The following BGN variants were observed in gnomAD, a reference collection of about 807,000 sequenced individuals.
The protein encoded by BGN is biglycan.
BGN carries 6 observed loss-of-function variants against 20.0 expected under a neutral mutation model. That is an observed-to-expected ratio of 0.30 (90% CI 0.16 to 0.59). BGN has a LOEUF of 0.59. Among genes scored for constraint, BGN ranks in the 20% least tolerant of loss-of-function variants. The pLI is 0.88. For synonymous variants in BGN, 146 were observed against 134.6 expected, an observed-to-expected ratio of 1.08 and a Z score of -0.59; for missense variants, 292 against 312.1, an observed-to-expected ratio of 0.94 and a Z score of 0.49.
chrX:153,506,999 C>G (rs782602808), intron 6 of BGN, 48 bp from the exon 7 acceptor site: 10 of 1,209,606 alleles, frequency 8.3e-6, no homozygotes, highest in Non-Finnish European at 1.1e-5. Context: ...GCCCAGCCCC[C>G]CATCCTTACC....
In BGN at chrX:153,495,027, G is replaced by C. The variant is rs1000912767; in HGVS notation, c.-98G>C. 1 of 108,975 alleles carries C rather than the reference G, an allele frequency of 9.2e-6. No individual in the cohort carries two copies. The highest frequency in any genetic ancestry group is 1.9e-5 in the Non-Finnish European group (1 of 52,317). The allele number at this position is 108,975 out of a possible 1,213,427, so 9.0% of individuals were successfully genotyped here. On this transcript the variant is annotated 5_prime_UTR_variant, in exon 1 of 8. Coordinates refer to ENST00000331595, the MANE Select transcript of BGN (RefSeq NM_001711.6). ...AGTGAGTAGCTGCTTTCGGTCCGCCGGACACACCGGACAGATAGACGTGCG... is the reference window on the plus strand; with the variant it reads ...AGTGAGTAGCTGCTTTCGGTCCGCCCGACACACCGGACAGATAGACGTGCG...
At chrX:153,507,328 C>A in intron 7 of BGN, 143 bp downstream of exon 7, 1 of 850,951 alleles carries the variant, frequency 1.2e-6, no homozygotes, top group Non-Finnish European at 1.6e-6. Flanking sequence ...ATGCTCCCAG[C>A]TGGTGCTGAG....
intron 1 of BGN, among the ~76,000 whole-genome samples, chrX:153,503,192 C>T (rs185208914): frequency 3.8e-3 from 424 of 112,782 alleles, no homozygotes; most frequent in South Asian, 0.013. Flanking sequence ...GGGGAAGCAT[C>T]GGGCAGGGCG....
At position 153,505,262 on chromosome X, in the gene BGN, T is replaced by A. The variant is rs782114202; in HGVS notation, c.263T>A (p.Ile88Asn). ...DLGLKSVPKE[I>N]SPDTTLLDLQ... ...GGTCTGAAGTCTGTGCCCAAAGAGA[T>A]CTCCCCTGACACCACGCTGCTGGAC... Residue 88 changes from isoleucine (I) to asparagine (N), a missense_variant, in exon 3 of 8, where the codon ATC becomes AAC. Coordinates refer to ENST00000331595, the MANE Select transcript of BGN (RefSeq NM_001711.6). 1.7e-6 allele frequency: 2 copies of A among 1,205,594 alleles called. No individual in the cohort carries two copies. Among genetic ancestry groups the A allele is most frequent in the South Asian group, 3.5e-5 (2 of 56,512 alleles).
chrX:153,502,608 C>G (rs140930547), intron 1 of BGN, among the ~76,000 whole-genome samples: 2,132 of 112,966 alleles, frequency 0.019, 52 homozygotes, highest in African/African-American at 0.066. Context: ...GGGGCCAAGA[C>G]CCTCCGGGCG....
chrX:153,499,644 C>A (rs1483029401), intron 1 of BGN, among the ~76,000 whole-genome samples: 3 of 113,333 alleles, frequency 2.6e-5, no homozygotes, highest in Non-Finnish European at 5.6e-5. Flanking sequence ...CTCCAGCCCC[C>A]AGCCCCTCAG....
intron 1 of BGN, among the ~76,000 whole-genome samples, chrX:153,499,587 G>A (rs1166500643): frequency 3.5e-5 from 4 of 113,409 alleles, no homozygotes; most frequent in African/African-American, 9.6e-5. Flanking sequence ...GGCATGCTCC[G>A]GCAACGGCAG....
intron 1 of BGN, among the ~76,000 whole-genome samples, chrX:153,503,947 C>T (rs782066882): frequency 3.7e-3 from 416 of 112,179 alleles, no homozygotes; most frequent in Non-Finnish European, 6.5e-3. Flanking sequence ...ACGGCCTCCA[C>T]CTCGGGGGCC....
At chrX:153,496,661 T>C (rs781908043) in intron 1 of BGN, among the ~76,000 whole-genome samples, 1 of 112,170 alleles carries the variant, frequency 8.9e-6, no homozygotes, top group East Asian at 2.8e-4. Context: ...CGTACGGCAG[T>C]GGGCATTAAC....
chrX:153,497,578 C>A (rs975462265), intron 1 of BGN, among the ~76,000 whole-genome samples: 1 of 112,125 alleles, frequency 8.9e-6, no homozygotes, highest in Non-Finnish European at 1.9e-5. Context: ...AGAGGGGCTG[C>A]GCTGTGGGGA....
intron 2 of BGN, 131 bp downstream of exon 2, chrX:153,505,000 A>G: frequency 1.3e-6 from 1 of 756,520 alleles, no homozygotes; most frequent in South Asian, 2.5e-5. Flanking sequence ...GGAGGGGTCC[A>G]GCCGTCTGGC....
chrX:153,506,538 G>A lies in BGN; in HGVS notation c.575G>A (p.Gly192Glu). The A allele has an allele frequency of 8.3e-7, 1 of 1,210,215 alleles. No individual in the cohort carries two copies. Among genetic ancestry groups the A allele is most frequent in the Middle Eastern group, 2.3e-4 (1 of 4,337 alleles). Residue 192 changes from glycine to glutamate, a missense_variant, in exon 5 of 8, where the codon GGG becomes GAG. By Grantham distance (98) the Gly-to-Glu change is moderately conservative. Coordinates refer to ENST00000331595, the MANE Select transcript of BGN (RefSeq NM_001711.6). Reference protein sequence around the residue: ...LRNMNCIEMGGNPLENSGFEP... With the variant: ...LRNMNCIEMGENPLENSGFEP... ...GAGGTCTCTCCCCTAGAGATGGGCG[G>A]GAACCCACTGGAGAACAGTGGCTTT... is the stretch of plus-strand genomic sequence containing the variant.
chrX:153,507,719 G>T (rs2089813472), intron 7 of BGN, among the ~76,000 whole-genome samples: 1 of 113,523 alleles, frequency 8.8e-6, no homozygotes, highest in Non-Finnish European at 1.9e-5. Context: ...GCGCCCTCTA[G>T]TGGCCATTGT....
chrX:153,508,732 T>A lies in BGN; in HGVS notation c.*287T>A, dbSNP rs900371311. On this transcript the variant is annotated 3_prime_UTR_variant, in exon 8 of 8. Transcript: ENST00000331595. ...CCAGAGGCACCCCATGAAGCTTTTT[T>A]CTCGTTCACTCCCAAACCCAAGTGT... 7 of 383,382 alleles carry A rather than the reference T, an allele frequency of 1.8e-5. No homozygotes were observed. Among genetic ancestry groups the A allele is most frequent in the Non-Finnish European group, 3.2e-5 (7 of 219,121 alleles). 31.6% of individuals were successfully genotyped at this position (383,382 alleles called of 1,213,427 possible). A position where few individuals can be genotyped will look rare whatever the true frequency, so the allele number is the denominator to read the frequency against.
In BGN at chrX:153,497,878, C is replaced by G. The variant is rs1293330599; in HGVS notation, c.-12+2765C>G. Reference sequence around the variant, plus strand: ...ATCCCAGCTGCCCCCTTCGCTGTTTCGCTGTTTGCCTTCTTCCCCTGCCCC... The same window carrying G: ...ATCCCAGCTGCCCCCTTCGCTGTTTGGCTGTTTGCCTTCTTCCCCTGCCCC... On this transcript the variant is annotated intron_variant, in intron 1 of 7. Coordinates refer to ENST00000331595, the MANE Select transcript of BGN (RefSeq NM_001711.6). Among the ~76,000 whole-genome samples, 3 of 112,530 alleles carry G rather than the reference C, an allele frequency of 2.7e-5. No individual in the cohort carries two copies. In the South Asian group the frequency reaches 1.1e-3, roughly 41 times the overall value.
In BGN at chrX:153,504,701, T is replaced by G; in HGVS notation, c.70T>G (p.Phe24Val). ...GGCCCTGCCCTTTGAGCAGAGAGGC[T>G]TCTGGGACTTCACCCTGGACGATGG... Reference protein sequence around the residue: ...SQALPFEQRGFWDFTLDDGPF... With the variant: ...SQALPFEQRGVWDFTLDDGPF... The change falls in exon 2 of 8, where the codon TTC (phenylalanine) becomes GTC (valine). Residue 24 changes from phenylalanine (F) to valine (V), a missense_variant. Coordinates refer to ENST00000331595, the MANE Select transcript of BGN (RefSeq NM_001711.6). 1.7e-6 allele frequency: 2 copies of G among 1,211,935 alleles called. No individual in the cohort carries two copies. The highest frequency in any genetic ancestry group is 2.2e-6 in the Non-Finnish European group (2 of 895,516).
chrX:153,504,269 G>A (rs2089781781), intron 1 of BGN, among the ~76,000 whole-genome samples: 2 of 112,566 alleles, frequency 1.8e-5, no homozygotes, highest in South Asian at 3.6e-4. Context: ...GGACGCCCCC[G>A]CCCTAAAGCA....
At position 153,497,030 on chromosome X, in the gene BGN, C is replaced by T. The variant is rs1294143653; in HGVS notation, c.-12+1917C>T. Among the ~76,000 whole-genome samples the T allele has an allele frequency of 1.7e-4, 16 of 96,072 alleles. No individual in the cohort carries two copies. In the East Asian group the frequency reaches 6.1e-3, roughly 37 times the overall value. 83.4% of individuals were successfully genotyped at this position (96,072 alleles called of 115,157 possible). On this transcript the variant is annotated intron_variant, in intron 1 of 7. Transcript: ENST00000331595. ...CTCGGCCCACAGAATCCCCAGCACA[C>T]GCCCCACCCACAGGCCTAGCCCCAG...
rs1367772822 is a variant in BGN at position 153,509,140 on chromosome X, C to T, written c.*695C>T. 1 of 105,149 alleles carries T rather than the reference C, an allele frequency of 9.5e-6. No individual in the cohort carries two copies. Among genetic ancestry groups the T allele is most frequent in the African/African-American group, 3.6e-5 (1 of 28,142 alleles). The allele number at this position is 105,149 out of a possible 1,213,427, so 8.7% of individuals were successfully genotyped here. On this transcript the variant is annotated 3_prime_UTR_variant, in exon 8 of 8. Coordinates refer to ENST00000331595, the MANE Select transcript of BGN (RefSeq NM_001711.6). ...TCCTCAGACCTTTCTCGCTTCTGAG[C>T]TTGGTGGCCTGTTCCCTCCATCTCT...
Sources: gnomAD v4.1 joint callset for allele counts (sites outside exome capture counted in the v4.1 genomes callset) on GRCh38, gnomAD v4.1.1 for gene constraint, MANE v1.5 for transcripts, NCBI Gene and HGNC (gene_info 2026-07-23, HGNC 2026-07-21) for gene names.